The following CA10 variants were observed in gnomAD, a reference collection of about 807,000 sequenced individuals.
CA10 encodes the protein carbonic anhydrase 10 (inactive).
In CA10, 14 loss-of-function variants were observed where a neutral mutation model predicts 44.2. The ratio of observed to expected loss-of-function variants is 0.32; its 90% CI spans 0.21 to 0.50. The LOEUF is 0.50. CA10 is among the 20% of genes least tolerant of loss of function. The pLI is 0.99. For synonymous variants in CA10, 159 were observed against 141.6 expected (o/e 1.12, Z -0.87); for missense variants, 350 against 409.7 (o/e 0.85, Z 1.26).
In CA10 at chr17:51,920,455, A is replaced by T. The variant is rs1429750093; in HGVS notation, c.279+10535T>A. 2.6e-5 allele frequency among the ~76,000 whole-genome samples: 4 copies of T among 152,150 alleles called. No homozygotes were observed. The South Asian group carries it at 6.2e-4, about 24-fold the overall frequency. On this transcript the variant is annotated intron_variant, in intron 3 of 8. Coordinates refer to ENST00000451037, the MANE Select transcript of CA10 (RefSeq NM_020178.5). Reference sequence around the variant, plus strand: ...TGAAAAAATGAGAAAAAATGAGAAGAAGTATAGAGAAATAAAGGAACATGA... The same window carrying T: ...TGAAAAAATGAGAAAAAATGAGAAGTAGTATAGAGAAATAAAGGAACATGA...
intron 2 of CA10, among the ~76,000 whole-genome samples, chr17:51,951,463 TA>T (rs1213422834): frequency 2.0e-5 from 3 of 152,180 alleles, no homozygotes; most frequent in Non-Finnish European, 2.9e-5. Context: ...ATTACTTAAT[TA>T]TCTTATAACT....
At chr17:51,781,053 A>G (rs1288489807) in intron 3 of CA10, among the ~76,000 whole-genome samples, 32 of 152,152 alleles carry the variant, frequency 2.1e-4, no homozygotes, top group Admixed American at 2.1e-3. Flanking sequence ...TAAGTAGTTC[A>G]GGATGGTTGG....
rs901889379 is a variant in CA10, at chr17:52,007,238, T to C, written c.136+65081A>G. Among the ~76,000 whole-genome samples, 4 of 151,840 alleles carry C rather than the reference T, an allele frequency of 2.6e-5. 1 individual carries two copies. The South Asian group carries it at 8.3e-4, about 31-fold the overall frequency. ...CTTCTTTTCCAATCAACCTATAGTT[T>C]ATATTCTTCTCTTTTCTTTCCAGTA... On this transcript the variant is annotated intron_variant, in intron 2 of 8. Transcript: ENST00000451037.
intron 3 of CA10, among the ~76,000 whole-genome samples, chr17:51,769,849 C>T (rs943191706): frequency 1.3e-5 from 2 of 152,006 alleles, no homozygotes; most frequent in African/African-American, 4.8e-5. Flanking sequence ...GGAGGGCAGC[C>T]GCAATTCAGC....
At chr17:51,801,768 C>T (rs1906942618) in intron 3 of CA10, among the ~76,000 whole-genome samples, 1 of 152,212 alleles carries the variant, frequency 6.6e-6, no homozygotes, top group African/African-American at 2.4e-5. Flanking sequence ...TAGTGCCAGA[C>T]AACCCATGTT....
chr17:52,012,731 C>T (rs1188643866), intron 2 of CA10, among the ~76,000 whole-genome samples: 2 of 151,652 alleles, frequency 1.3e-5, no homozygotes, highest in Admixed American at 6.6e-5. Context: ...TAATTGTCTA[C>T]AATTTTTCAA....
chr17:52,071,031 A>T (rs879726728), intron 2 of CA10, among the ~76,000 whole-genome samples: 2 of 152,218 alleles, frequency 1.3e-5, no homozygotes, highest in Non-Finnish European at 2.9e-5. Flanking sequence ...CTAGGAAAAA[A>T]GTATGTAAAC....
chr17:51,881,645 A>G (rs1450681019), intron 3 of CA10, among the ~76,000 whole-genome samples: 3 of 152,244 alleles, frequency 2.0e-5, no homozygotes, highest in Non-Finnish European at 4.4e-5. Flanking sequence ...AACAAATACA[A>G]AAGGCAAACA....
At chr17:52,079,105 G>A (rs773012688) in intron 1 of CA10, among the ~76,000 whole-genome samples, 3 of 151,994 alleles carry the variant, frequency 2.0e-5, no homozygotes, top group Non-Finnish European at 4.4e-5. Flanking sequence ...GCTCACACGG[G>A]GAAACCCCGT....
At chr17:52,150,556 G>C (rs535841944) in intron 1 of CA10, among the ~76,000 whole-genome samples, 1 of 152,104 alleles carries the variant, frequency 6.6e-6, no homozygotes, top group Non-Finnish European at 1.5e-5. Flanking sequence ...TCATTTTATA[G>C]TAACTGAACC....
In CA10 at chr17:51,927,598, G is replaced by C. The variant is rs112828904; in HGVS notation, c.279+3392C>G. 2.3e-3 allele frequency among the ~76,000 whole-genome samples: 345 copies of C among 152,198 alleles called. No individual in the cohort carries two copies. In the Middle Eastern group the frequency reaches 0.041, roughly 18 times the overall value. The stretch of plus-strand genomic sequence containing the variant: ...CTGTATTTCATTTTCAAATTACCAA[G>C]AATCTCACTTATGTGACTATACACT... On this transcript the variant is annotated intron_variant, in intron 3 of 8. Transcript: ENST00000451037.
intron 1 of CA10, among the ~76,000 whole-genome samples, chr17:52,083,139 C>T (rs532217023): frequency 1.3e-5 from 2 of 152,206 alleles, no homozygotes; most frequent in South Asian, 4.2e-4. Context: ...ACTGGTAATT[C>T]CTAAAATCAA....
chr17:52,017,358 A>T (rs191854827), intron 2 of CA10, among the ~76,000 whole-genome samples: 46 of 152,276 alleles, frequency 3.0e-4, no homozygotes, highest in Non-Finnish European at 6.3e-4. Flanking sequence ...TGCTGATAGA[A>T]ACATTGGCAG....
chr17:52,116,238 G>T (rs1988893632), intron 1 of CA10, among the ~76,000 whole-genome samples: 1 of 152,136 alleles, frequency 6.6e-6, no homozygotes. Context: ...ACTTTTGTGT[G>T]AGAGATTTTT....
At chr17:51,695,004 C>T (rs1915352126) in intron 4 of CA10, among the ~76,000 whole-genome samples, 1 of 152,154 alleles carries the variant, frequency 6.6e-6, no homozygotes, top group Non-Finnish European at 1.5e-5. Context: ...TATTCTGTCC[C>T]ATTGTTCTAT....
intron 3 of CA10, chr17:51,748,376 A>T: frequency 1.7e-6 from 1 of 601,994 alleles, no homozygotes; most frequent in Non-Finnish European, 2.1e-6. Flanking sequence ...CTCAAGTGGT[A>T]AACTAAAGGG....
At chr17:52,107,181 C>T (rs1055612853) in intron 1 of CA10, among the ~76,000 whole-genome samples, 2 of 152,108 alleles carry the variant, frequency 1.3e-5, no homozygotes, top group African/African-American at 2.4e-5. Flanking sequence ...CAAGCTGGGG[C>T]GGTAGGGACT....
At chr17:51,775,270 C>T (rs563427416) in intron 3 of CA10, among the ~76,000 whole-genome samples, 1 of 152,314 alleles carries the variant, frequency 6.6e-6, no homozygotes, top group South Asian at 2.1e-4. Flanking sequence ...CCTGTCCTCA[C>T]TGAGGTCAGC....
At chr17:51,791,154 C>CATGGTA (rs1399524820) in intron 3 of CA10, among the ~76,000 whole-genome samples, 1 of 152,148 alleles carries the variant, frequency 6.6e-6, no homozygotes, top group Non-Finnish European at 1.5e-5. Context: ...GTTCTCTGTG[C>CATGGTA]ATGGTAATGG....
Sources: allele counts gnomAD v4.1 joint callset (sites outside exome capture counted in the v4.1 genomes callset), GRCh38; gene constraint gnomAD v4.1.1; transcripts MANE v1.5; gene names NCBI Gene and HGNC (gene_info 2026-07-23, HGNC 2026-07-21).